The following PFKFB2 variants were observed in gnomAD, a reference collection of about 807,000 sequenced individuals.
The protein encoded by PFKFB2 is 6-phosphofructo-2-kinase/fructose-2,6-biphosphatase 2, also known as 6-phosphofructo-2-kinase/fructose-2,6-bisphosphatase 2.
In PFKFB2, 53 loss-of-function variants were observed where a neutral mutation model predicts 68.0. That is an observed-to-expected ratio of 0.78 (90% CI 0.63 to 0.98). The LOEUF (loss-of-function observed/expected upper bound fraction) is 0.98. Among genes scored for constraint, PFKFB2 ranks in the 50% least tolerant of loss-of-function variants. The pLI is 0.00. For synonymous variants in PFKFB2, 222 were observed against 227.6 expected (o/e 0.98, Z 0.22); for missense variants, 451 against 642.0 (o/e 0.70, Z 3.22).
At chr1:207,051,625 G>A (rs1018917780), upstream of PFKFB2, among the ~76,000 whole-genome samples, 2 of 152,216 alleles carry the variant, frequency 1.3e-5, no homozygotes, top group South Asian at 4.1e-4. Flanking sequence ...TGGTGGCAGT[G>A]TAAGGAGGAG....
intron 1 of PFKFB2, chr1:207,035,255 C>T: frequency 1.0e-6 from 1 of 959,642 alleles, no homozygotes; most frequent in African/African-American, 1.8e-5. Flanking sequence ...TTTCTCAGTA[C>T]AACCTCCCCA....
Position 207,063,891 on chromosome 1 carries a change from GTGTGTGT to G in PFKFB2, c.507+63_507+69del. 3.9e-6 allele frequency: 3 copies of G among 774,310 alleles called. No individual in the cohort carries two copies. The highest frequency in any genetic ancestry group is 6.3e-6 in the Non-Finnish European group (3 of 477,450). 48.0% of individuals were successfully genotyped at this position (774,310 alleles called of 1,614,324 possible). A position where few individuals can be genotyped will look rare whatever the true frequency, so the allele number is the denominator to read the frequency against. ...TTTTGTGCTGTGTGTGTTGTGGGGTGTGTGTGTGTGTGTGTGTGTGTGTGTTGTTGGG... is the reference window on the plus strand; with the variant it reads ...TTTTGTGCTGTGTGTGTTGTGGGGTGGTGTGTGTGTGTGTGTGTTGTTGGG... On this transcript the variant is annotated intron_variant, in intron 7 of 14. Transcript: ENST00000367080. The surrounding 1 kb of genome is among the most constrained non-coding windows in gnomAD (Gnocchi z 4.1).
At position 207,068,192 on chromosome 1, in the gene PFKFB2, G is replaced by A; in HGVS notation, c.870G>A (p.Glu290=). The part of the protein sequence containing the change: ...QFAQALRKFL[E]EQEITDLKVW... ...CCCAAGCTCTAAGGAAATTTCTGGA[G>A]GAACAGGAAATAACAGACCTCAAAG... The change falls in exon 10 of 15, where the codon GAG becomes GAA. Residue 290 remains glutamate (E), a synonymous_variant. Transcript: ENST00000367080. The A allele has an allele frequency of 4.3e-6, 7 of 1,609,682 alleles. No individual in the cohort carries two copies. The highest frequency in any genetic ancestry group is 5.9e-6 in the Non-Finnish European group (7 of 1,178,798).
upstream of PFKFB2, chr1:207,049,305 T>C: frequency 6.2e-7 from 1 of 1,614,118 alleles, no homozygotes; most frequent in Non-Finnish European, 8.5e-7. Context: ...TTTTGGTATA[T>C]CCTGCATCTT....
At position 207,061,969 on chromosome 1, in the gene PFKFB2, G is replaced by T; in HGVS notation, c.102G>T (p.Met34Ile). The T allele has an allele frequency of 6.2e-7, 1 of 1,614,126 alleles. No individual in the cohort carries two copies. Among genetic ancestry groups the T allele is most frequent in the South Asian group, 1.1e-5 (1 of 91,068 alleles). ...TCCTTCTAGCATGGGCCTCCTACAT[G>T]ACCAACTCCCCGACTCTGATCGTTA... is the stretch of plus-strand genomic sequence containing the variant. ...SEKKCSWASY[M>I]TNSPTLIVMI... The change falls in exon 3 of 15, where the codon ATG becomes ATT. Residue 34 changes from methionine (M) to isoleucine (I), a missense_variant. Met to Ile is a conservative substitution (Grantham distance 10). Coordinates refer to ENST00000367080, the MANE Select transcript of PFKFB2 (RefSeq NM_006212.2).
At position 207,070,507 on chromosome 1, in the gene PFKFB2, C is replaced by T; in HGVS notation, c.1222+98C>T. The T allele has an allele frequency of 7.8e-6, 10 of 1,286,580 alleles. No individual in the cohort carries two copies. The highest frequency in any genetic ancestry group is 1.1e-5 in the Non-Finnish European group (10 of 927,664). The allele number at this position is 1,286,580 out of a possible 1,614,324, so 79.7% of individuals were successfully genotyped here. On this transcript the variant is annotated intron_variant, in intron 12 of 14. Transcript: ENST00000367080. This position sits in a 1 kb window ranked among gnomAD's most constrained non-coding sequence, Gnocchi z 4.2. ...TGGGAAACAGACCTCCCTGTCTCCA[C>T]TCAAATTAGAGTACTTTCTCCAGAC...
intron 1 of PFKFB2, 99 bp from the exon 2 acceptor site, chr1:207,054,602 G>C: frequency 9.6e-6 from 7 of 729,560 alleles, no homozygotes. Flanking sequence ...GGCCCAGGGT[G>C]TTTTTACTTA....
chr1:207,050,267 A>G (rs545256029), upstream of PFKFB2, among the ~76,000 whole-genome samples: 165 of 152,334 alleles, frequency 1.1e-3, 1 homozygote, highest in African/African-American at 3.7e-3. Context: ...TGTCAAACGA[A>G]GTATCTACGA....
chr1:207,068,272 C>T lies in PFKFB2; in HGVS notation c.950C>T (p.Pro317Leu), dbSNP rs144563941. 78 of 1,601,702 alleles carry T rather than the reference C, an allele frequency of 4.9e-5. No homozygotes were observed. Among genetic ancestry groups the T allele is most frequent in the Admixed American group, 6.9e-5 (4 of 58,292 alleles). ...CAGACTGCTGAATCTCTCGGGGTGC[C>T]CTATGAGCAGTGGAAGATTCTGAAT... ...TIQTAESLGV[P>L]YEQWKILNEI... The change falls in exon 10 of 15, where the codon CCC becomes CTC. Residue 317 changes from proline (P) to leucine (L), a missense_variant. By Grantham distance (98) the Pro-to-Leu change is moderately conservative (BLOSUM62 -3). Transcript: ENST00000367080.
chr1:207,079,021 G>A, downstream of PFKFB2: 1 of 1,609,568 alleles, frequency 6.2e-7, no homozygotes, highest in Non-Finnish European at 8.5e-7. Flanking sequence ...CCTTGCTAAT[G>A]ATGTGGATGT....
At chr1:207,041,995 C>T (rs1558051300) in intron 1 of PFKFB2, among the ~76,000 whole-genome samples, 1 of 152,196 alleles carries the variant, frequency 6.6e-6, no homozygotes, top group Non-Finnish European at 1.5e-5. Context: ...CTTTCATTTT[C>T]ATTCTTGTTA....
chr1:207,075,351 T>G lies in PFKFB2; in HGVS notation c.*2980T>G. The G allele has an allele frequency of 1.0e-6, 1 of 985,454 alleles. No individual in the cohort carries two copies. Among genetic ancestry groups the G allele is most frequent in the East Asian group, 1.1e-4 (1 of 8,818 alleles). The allele number at this position is 985,454 out of a possible 1,614,324, so 61.0% of individuals were successfully genotyped here. ...TGGCAAGCAAGGGCTTCAGCATCCT[T>G]TAGTTTCTAAAGCAAGATCCCTTCA... On this transcript the variant is annotated 3_prime_UTR_variant, in exon 15 of 15. Coordinates refer to ENST00000367080, the MANE Select transcript of PFKFB2 (RefSeq NM_006212.2).
At chr1:207,035,928 TAGAC>T (rs1476158889) in intron 1 of PFKFB2, among the ~76,000 whole-genome samples, 1 of 152,156 alleles carries the variant, frequency 6.6e-6, no homozygotes, top group Non-Finnish European at 1.5e-5. Context: ...TTATTAACAA[TAGAC>T]AGGGCCATGG....
At position 207,063,340 on chromosome 1, in the gene PFKFB2, T is replaced by C. The variant is rs779818182; in HGVS notation, c.376-7T>C. ...CTGCTCATTTACCTTGTGTACTTTC[T>C]TCACAGGTGTTTGATGCCACCAATA... On this transcript the variant is annotated splice_polypyrimidine_tract_variant and splice_region_variant and intron_variant, in intron 5 of 14. Transcript: ENST00000367080. The surrounding 1 kb of genome is among the most constrained non-coding windows in gnomAD (Gnocchi z 4.1). 1.2e-6 allele frequency: 2 copies of C among 1,611,392 alleles called. No homozygotes were observed. Among genetic ancestry groups the C allele is most frequent in the African/African-American group, 1.3e-5 (1 of 74,988 alleles).
Position 207,068,228 on chromosome 1 carries a change from C to G in PFKFB2, c.906C>G (p.Ser302Arg). 6.2e-7 allele frequency: 1 copy of G among 1,612,734 alleles called. No individual in the cohort carries two copies. The highest frequency in any genetic ancestry group is 8.5e-7 in the Non-Finnish European group (1 of 1,179,400). The stretch of plus-strand genomic sequence containing the variant: ...TAACAGACCTCAAAGTGTGGACAAG[C>G]CAGTTGAAGAGGACCATACAGACTG... ...QEITDLKVWT[S>R]QLKRTIQTAE... Residue 302 changes from serine to arginine, a missense_variant, in exon 10 of 15, where the codon AGC (serine) becomes AGG (arginine). Physicochemically the swap from Ser to Arg is moderately radical, Grantham distance 110. Transcript: ENST00000367080.
At chr1:207,053,816 C>T (rs1299799813) in intron 1 of PFKFB2, among the ~76,000 whole-genome samples, 1 of 151,960 alleles carries the variant, frequency 6.6e-6, no homozygotes, top group Non-Finnish European at 1.5e-5. Context: ...GTCTTGGGGT[C>T]CAGTTACTGT....
intron 8 of PFKFB2, among the ~76,000 whole-genome samples, chr1:207,067,129 G>T (rs1683314932): frequency 6.6e-6 from 1 of 152,164 alleles, no homozygotes; most frequent in African/African-American, 2.4e-5. Flanking sequence ...ATTCTGGCCA[G>T]GTCTTAACTG....
chr1:207,045,852 G>A (rs1003327915), intron 2 of PFKFB2: 13 of 151,812 alleles, frequency 8.6e-5, no homozygotes, highest in African/African-American at 2.2e-4. Context: ...ATAATCAAGC[G>A]GCATGACTAC....
intron 4 of PFKFB2, 132 bp downstream of exon 4, chr1:207,062,848 A>G: frequency 2.2e-6 from 2 of 914,834 alleles, no homozygotes; most frequent in Non-Finnish European, 3.4e-6. Context: ...CTGATGGGCA[A>G]GTGACCTTGG....
Sources: gnomAD v4.1 joint callset for allele counts (sites outside exome capture counted in the v4.1 genomes callset) on GRCh38, gnomAD v4.1.1 for gene constraint, Gnocchi (gnomAD v3.1) non-coding constraint, MANE v1.5 for transcripts, NCBI Gene and HGNC (gene_info 2026-07-23, HGNC 2026-07-21) for gene names.